The following ANO4 variants were observed in gnomAD, a reference collection of about 807,000 sequenced individuals.
The protein encoded by ANO4 is anoctamin-4.
ANO4 carries 69 observed loss-of-function variants against 141.9 expected under a neutral mutation model. The ratio of observed to expected loss-of-function variants is 0.49; its 90% CI spans 0.40 to 0.59. The LOEUF is 0.59. Among genes scored for constraint, ANO4 ranks in the 20% least tolerant of loss-of-function variants. The pLI is 0.00. For synonymous variants in ANO4, 350 were observed against 394.3 expected (o/e 0.89, Z 1.33); for missense variants, 894 against 1,162.2 (o/e 0.77, Z 3.36).
chr12:100,989,684 T>A (rs1253632462), intron 8 of ANO4, among the ~76,000 whole-genome samples: 1 of 147,066 alleles, frequency 6.8e-6, no homozygotes, highest in Non-Finnish European at 1.5e-5. Flanking sequence ...GATAAGTCAC[T>A]GGATGGATGA....
At chr12:100,994,017 C>A (rs1234042978) in intron 8 of ANO4, among the ~76,000 whole-genome samples, 2 of 152,150 alleles carry the variant, frequency 1.3e-5, no homozygotes, top group Admixed American at 1.3e-4. Context: ...GAGTCCTGTG[C>A]AGTGTAGGAT....
intron 1 of ANO4, among the ~76,000 whole-genome samples, chr12:100,826,314 A>G (rs953736714): frequency 6.6e-6 from 1 of 152,004 alleles, no homozygotes; most frequent in Non-Finnish European, 1.5e-5. Flanking sequence ...GAAAATGGTC[A>G]TTGCTCACAG....
chr12:100,983,055 C>G (rs190563999), intron 7 of ANO4, among the ~76,000 whole-genome samples: 2 of 152,328 alleles, frequency 1.3e-5, no homozygotes, highest in African/African-American at 2.4e-5. Context: ...GTGCTTCTGT[C>G]TTGCATGATT....
intron 1 of ANO4, among the ~76,000 whole-genome samples, chr12:100,892,904 C>G (rs1416843968): frequency 6.6e-6 from 1 of 152,144 alleles, no homozygotes; most frequent in Non-Finnish European, 1.5e-5. Context: ...CCTGCCACCC[C>G]CGGCACCCTC....
chr12:100,818,791 AT>A (rs1285103463), intron 1 of ANO4, among the ~76,000 whole-genome samples: 1 of 151,788 alleles, frequency 6.6e-6, no homozygotes, highest in African/African-American at 2.4e-5. Context: ...GATATTTTTG[AT>A]TGTCATAATC....
chr12:100,950,869 G>A (rs553726433), intron 5 of ANO4, among the ~76,000 whole-genome samples: 1 of 152,304 alleles, frequency 6.6e-6, no homozygotes, highest in East Asian at 1.9e-4. Context: ...GTGGTATTCA[G>A]ACAGCACTTT....
intron 6 of ANO4, among the ~76,000 whole-genome samples, chr12:100,974,404 C>T (rs919932868): frequency 1.1e-4 from 16 of 151,714 alleles, no homozygotes; most frequent in South Asian, 2.1e-4. Flanking sequence ...CCATGAGAGA[C>T]GTGTCTTGTG....
At chr12:100,774,471 C>T (rs2033412852) in intron 3 of ANO4, among the ~76,000 whole-genome samples, 1 of 152,158 alleles carries the variant, frequency 6.6e-6, no homozygotes, top group Non-Finnish European at 1.5e-5. Context: ...GATTATATCC[C>T]TGGAGAAGGC....
At chr12:100,840,678 A>G (rs530546847) in intron 1 of ANO4, among the ~76,000 whole-genome samples, 4 of 152,282 alleles carry the variant, frequency 2.6e-5, no homozygotes, top group Admixed American at 1.3e-4. Flanking sequence ...GAAGGCAGCA[A>G]TCATGAGTTG....
In ANO4 at chr12:100,971,507, G is replaced by T. The variant is rs546232829; in HGVS notation, c.557+101G>T. On this transcript the variant is annotated intron_variant, in intron 6 of 27. Transcript: ENST00000392977. ...ATAAAACTGAAATGCAGATTGGAAG[G>T]CCATTAGAGGAGGGAATCTTTCAAA... 87 of 759,370 alleles carry T rather than the reference G, an allele frequency of 1.1e-4. 1 individual carries two copies. The South Asian group carries it at 1.9e-3, about 17-fold the overall frequency. 47.0% of individuals were successfully genotyped at this position (759,370 alleles called of 1,614,324 possible).
In ANO4 at chr12:101,014,388, C is replaced by T. The variant is rs539358564; in HGVS notation, c.735-5646C>T. On this transcript the variant is annotated intron_variant, in intron 8 of 27. Coordinates refer to ENST00000392977, the MANE Select transcript of ANO4 (RefSeq NM_001286615.2). ...ACCACCCCGGGTGAAAACGAGGTTGCTCACTACCCTAGAAAGCATAAAGGT... is the reference window on the plus strand; with the variant it reads ...ACCACCCCGGGTGAAAACGAGGTTGTTCACTACCCTAGAAAGCATAAAGGT... Among the ~76,000 whole-genome samples, 474 of 152,284 alleles carry T rather than the reference C, an allele frequency of 3.1e-3. 4 individuals are homozygous for T. The highest frequency in any genetic ancestry group is 0.011 in the African/African-American group (443 of 41,560).
At position 101,025,171 on chromosome 12, in the gene ANO4, C is replaced by T. The variant is rs181922294; in HGVS notation, c.841+5031C>T. ...TTTACTCTCCCACCTGAAACAATCA[C>T]AAAAGAAAAAACAGACAAAATGTAT... On this transcript the variant is annotated intron_variant, in intron 9 of 27. Coordinates refer to ENST00000392977, the MANE Select transcript of ANO4 (RefSeq NM_001286615.2). Among the ~76,000 whole-genome samples the T allele has an allele frequency of 2.1e-3, 318 of 152,170 alleles. 2 individuals carry two copies. Among genetic ancestry groups the T allele is most frequent in the African/African-American group, 7.2e-3 (300 of 41,530 alleles).
intron 3 of ANO4, among the ~76,000 whole-genome samples, chr12:100,749,390 G>T (rs1483351454): frequency 6.6e-6 from 1 of 152,214 alleles, no homozygotes; most frequent in Non-Finnish European, 1.5e-5. Context: ...CATTGGAAAT[G>T]TTCATTTTGA....
intron 8 of ANO4, among the ~76,000 whole-genome samples, chr12:101,011,975 A>C (rs11110625): frequency 6.6e-6 from 1 of 150,818 alleles, no homozygotes; most frequent in Non-Finnish European, 1.5e-5. Context: ...AAATTTCATA[A>C]TATATGTAAA....
chr12:100,747,960 G>T (rs2032188619), intron 3 of ANO4, among the ~76,000 whole-genome samples: 1 of 152,308 alleles, frequency 6.6e-6, no homozygotes, highest in South Asian at 2.1e-4. Context: ...AAGGAGTTGA[G>T]AAATGACTAT....
chr12:100,853,684 A>G (rs943890902), intron 1 of ANO4, among the ~76,000 whole-genome samples: 8 of 152,158 alleles, frequency 5.3e-5, no homozygotes, highest in African/African-American at 1.9e-4. Flanking sequence ...TTTAGAAATT[A>G]CAGCATACTT....
At chr12:101,006,256 G>T (rs1196083737) in intron 8 of ANO4, among the ~76,000 whole-genome samples, 1 of 152,022 alleles carries the variant, frequency 6.6e-6, no homozygotes, top group African/African-American at 2.4e-5. Flanking sequence ...TATTATAAAG[G>T]TACCTTAAAT....
intron 3 of ANO4, among the ~76,000 whole-genome samples, chr12:100,925,279 A>C (rs2041815849): frequency 6.6e-6 from 1 of 151,998 alleles, no homozygotes; most frequent in African/African-American, 2.4e-5. Flanking sequence ...TGTAGCTTAG[A>C]TTATCGTTTC....
intron 8 of ANO4, among the ~76,000 whole-genome samples, chr12:100,990,947 C>A (rs769990756): frequency 1.3e-5 from 2 of 151,766 alleles, no homozygotes; most frequent in Non-Finnish European, 2.9e-5. Flanking sequence ...GTGAGGAGGA[C>A]CTAGTGTTGT....
Sources: allele counts gnomAD v4.1 joint callset (sites outside exome capture counted in the v4.1 genomes callset), GRCh38; gene constraint gnomAD v4.1.1; transcripts MANE v1.5; gene names NCBI Gene and HGNC (gene_info 2026-07-23, HGNC 2026-07-21).